The following NELL2 variants were observed in gnomAD, a reference collection of about 807,000 sequenced individuals.
NELL2 encodes the protein neural EGFL like 2, also known as protein kinase C-binding protein NELL2.
Under a neutral mutation model 109.6 loss-of-function variants are expected in NELL2, and 41 were observed. That is an observed-to-expected ratio of 0.37 (90% CI 0.29 to 0.49). The LOEUF is 0.49. Ranked by LOEUF, NELL2 falls within the 20% of genes least tolerant of loss-of-function variation. NELL2 has a pLI of 0.98. For missense variants in NELL2, 900 were observed against 1,008.3 expected (o/e 0.89, Z 1.45); for synonymous variants, 355 against 344.7 (o/e 1.03, Z -0.33).
At chr12:44,576,078 A>T (rs568697597) in intron 15 of NELL2, among the ~76,000 whole-genome samples, 5 of 152,046 alleles carry the variant, frequency 3.3e-5, no homozygotes, top group Non-Finnish European at 7.4e-5. Flanking sequence ...CTCTTTGCAC[A>T]TGCTGTTTTC....
chr12:44,811,711 A>G (rs564053761), intron 3 of NELL2, among the ~76,000 whole-genome samples: 5 of 152,220 alleles, frequency 3.3e-5, no homozygotes, highest in African/African-American at 9.6e-5. Flanking sequence ...CTAGGTGTTC[A>G]CTGCAAATAG....
At chr12:44,707,343 T>G (rs1350713983) in intron 11 of NELL2, among the ~76,000 whole-genome samples, 2 of 152,274 alleles carry the variant, frequency 1.3e-5, no homozygotes, top group African/African-American at 4.8e-5. Context: ...TTGAATGGCA[T>G]AATGATATGA....
At chr12:44,539,913 G>A (rs2139027568) in intron 15 of NELL2, among the ~76,000 whole-genome samples, 1 of 152,286 alleles carries the variant, frequency 6.6e-6, no homozygotes, top group South Asian at 2.1e-4. Context: ...CACTCACTAT[G>A]CCACACTTGA....
chr12:44,829,355 A>G (rs1008122708), intron 2 of NELL2, among the ~76,000 whole-genome samples: 4 of 152,156 alleles, frequency 2.6e-5, no homozygotes, highest in Admixed American at 2.6e-4. Flanking sequence ...CATGTAGCAA[A>G]TTTAAGAATC....
At chr12:44,516,076 T>C (rs185796010) in intron 19 of NELL2, among the ~76,000 whole-genome samples, 242 of 152,030 alleles carry the variant, frequency 1.6e-3, no homozygotes, top group African/African-American at 5.4e-3. Context: ...ACGTGCATAA[T>C]ATTTTTATCT....
chr12:44,856,456 G>T (rs1384931911), intron 2 of NELL2, among the ~76,000 whole-genome samples: 1 of 152,174 alleles, frequency 6.6e-6, no homozygotes, highest in Admixed American at 6.5e-5. Flanking sequence ...AAGAATATTT[G>T]GGAGGTAAAA....
rs533921595 is a variant in NELL2 at position 44,822,224 on chromosome 12, C to T, written c.185-6088G>A. Among the ~76,000 whole-genome samples the T allele has an allele frequency of 3.3e-5, 5 of 152,084 alleles. No homozygotes were observed. The East Asian group carries it at 5.8e-4, about 18-fold the overall frequency. ...CATGCAGATTATTAGCTGTTCATAG[C>T]ATGTAGTAAAGACCATGGGTTTATT... On this transcript the variant is annotated intron_variant, in intron 2 of 19. Coordinates refer to ENST00000429094, the MANE Select transcript of NELL2 (RefSeq NM_001145108.2).
chr12:44,724,612 A>C (rs1219905163), intron 9 of NELL2, among the ~76,000 whole-genome samples: 1 of 152,060 alleles, frequency 6.6e-6, no homozygotes, highest in African/African-American at 2.4e-5. Flanking sequence ...GAGAAGACAC[A>C]AAAAAATGGA....
chr12:44,754,266 G>C (rs568241118), intron 9 of NELL2, among the ~76,000 whole-genome samples: 1 of 152,300 alleles, frequency 6.6e-6, no homozygotes, highest in South Asian at 2.1e-4. Context: ...TAATTTGGTA[G>C]TTTGTGGCAA....
chr12:44,791,042 T>G (rs750704721), intron 3 of NELL2, among the ~76,000 whole-genome samples: 3 of 118,432 alleles, frequency 2.5e-5, no homozygotes, highest in South Asian at 2.9e-4. Context: ...AGAAAGGAGA[T>G]AGACACCAAG....
At chr12:44,622,241 G>A (rs1176292493) in intron 13 of NELL2, among the ~76,000 whole-genome samples, 1 of 152,160 alleles carries the variant, frequency 6.6e-6, no homozygotes, top group Middle Eastern at 3.4e-3. Context: ...GTATCTACAC[G>A]CTGCTTAAGA....
At chr12:44,769,173 T>C (rs1941451410) in intron 9 of NELL2, among the ~76,000 whole-genome samples, 1 of 152,114 alleles carries the variant, frequency 6.6e-6, no homozygotes, top group African/African-American at 2.4e-5. Context: ...TTGCTACACA[T>C]TTTAAGGTGA....
At chr12:44,701,263 T>TA (rs1332103988) in intron 12 of NELL2, among the ~76,000 whole-genome samples, 4 of 152,064 alleles carry the variant, frequency 2.6e-5, no homozygotes, top group Admixed American at 6.6e-5. Flanking sequence ...TCCTTATATA[T>TA]AAAAAAATTC....
At chr12:44,805,092 G>A (rs4768574) in intron 3 of NELL2, among the ~76,000 whole-genome samples, 10,513 of 151,772 alleles carry the variant, frequency 0.069, 535 homozygotes, top group Non-Finnish European at 0.11. Context: ...ACTTTATGTA[G>A]TAATTTCAAA....
chr12:44,621,690 G>A (rs920425745), intron 13 of NELL2, among the ~76,000 whole-genome samples: 5 of 145,332 alleles, frequency 3.4e-5, no homozygotes, highest in Admixed American at 2.7e-4. Context: ...TTGTTATTGT[G>A]CTCGAACTTT....
At chr12:44,595,662 C>T (rs1339967792) in intron 15 of NELL2, among the ~76,000 whole-genome samples, 2 of 148,128 alleles carry the variant, frequency 1.4e-5, no homozygotes, top group Non-Finnish European at 3.0e-5. Flanking sequence ...AGGATGGTCT[C>T]GATCTCCTGA....
intron 15 of NELL2, among the ~76,000 whole-genome samples, chr12:44,583,849 T>C (rs1162105506): frequency 6.6e-5 from 10 of 152,204 alleles, no homozygotes; most frequent in Non-Finnish European, 1.5e-4. Flanking sequence ...CTCAGCTCAT[T>C]GCAATCTCTG....
At position 44,742,687 on chromosome 12, in the gene NELL2, G is replaced by T. The variant is rs558620427; in HGVS notation, c.995-27946C>A. ...CCTCAGTAGCCGATGCGATCAACTG[G>T]AAGAAAGGGTATCAGTGATGGAAGA... On this transcript the variant is annotated intron_variant, in intron 9 of 19. Coordinates refer to ENST00000429094, the MANE Select transcript of NELL2 (RefSeq NM_001145108.2). 3.3e-5 allele frequency among the ~76,000 whole-genome samples: 5 copies of T among 152,310 alleles called. No homozygotes were observed. In the South Asian group the frequency reaches 1.0e-3, roughly 32 times the overall value.
intron 3 of NELL2, among the ~76,000 whole-genome samples, chr12:44,788,144 T>C (rs895557083): frequency 4.6e-5 from 7 of 152,200 alleles, no homozygotes; most frequent in African/African-American, 9.6e-5. Context: ...GGTATCATTA[T>C]GGCGATGGGA....
Sources: gnomAD v4.1 joint callset for allele counts (sites outside exome capture counted in the v4.1 genomes callset) on GRCh38, gnomAD v4.1.1 for gene constraint, MANE v1.5 for transcripts, NCBI Gene and HGNC (gene_info 2026-07-23, HGNC 2026-07-21) for gene names.